Variants in WWTR1 observed in about 807,000 individuals in gnomAD.
The protein encoded by WWTR1 is WW domain containing transcription regulator 1.
In WWTR1, 13 loss-of-function variants were observed where a neutral mutation model predicts 40.1. That is an observed-to-expected ratio of 0.32 (90% CI 0.21 to 0.52). WWTR1 has a LOEUF of 0.52. Ranked by LOEUF, WWTR1 falls within the 20% of genes least tolerant of loss-of-function variation. The probability of loss-of-function intolerance (pLI) is 0.97; values close to 1 mark genes in which losing one functional copy is unlikely to be tolerated. For synonymous variants in WWTR1, 230 were observed against 210.1 expected (o/e 1.09, Z -0.82); for missense variants, 436 against 523.1 (o/e 0.83, Z 1.63).
intron 1 of WWTR1, among the ~76,000 whole-genome samples, chr3:149,691,843 C>T (rs540439410): frequency 7.7e-4 from 117 of 151,984 alleles, no homozygotes; most frequent in Non-Finnish European, 1.4e-3. Flanking sequence ...GGTGAAACCC[C>T]GTCTCTACTA....
chr3:149,680,345 A>G (rs1015885663), intron 1 of WWTR1, among the ~76,000 whole-genome samples: 1 of 152,190 alleles, frequency 6.6e-6, no homozygotes, highest in Admixed American at 6.5e-5. Context: ...GGAGTTCAAG[A>G]CCAGCCTGGC....
At chr3:149,611,430 G>C (rs1739737677) in intron 2 of WWTR1, among the ~76,000 whole-genome samples, 1 of 152,176 alleles carries the variant, frequency 6.6e-6, no homozygotes, top group Non-Finnish European at 1.5e-5. Flanking sequence ...AAGCAACAGA[G>C]ACCATGTGTC....
At chr3:149,548,913 C>A (rs1004111772) in intron 3 of WWTR1, among the ~76,000 whole-genome samples, 1 of 152,180 alleles carries the variant, frequency 6.6e-6, no homozygotes, top group African/African-American at 2.4e-5. Context: ...CCCTCCATGA[C>A]TTTTTCCATC....
At chr3:149,585,249 C>T (rs1007997218) in intron 2 of WWTR1, among the ~76,000 whole-genome samples, 1 of 152,008 alleles carries the variant, frequency 6.6e-6, no homozygotes, top group African/African-American at 2.4e-5. Flanking sequence ...TCTTTTGCCT[C>T]AGTCTCCTGA....
At chr3:149,664,366 G>A (rs908975357) in intron 2 of WWTR1, among the ~76,000 whole-genome samples, 22 of 152,288 alleles carry the variant, frequency 1.4e-4, no homozygotes, top group African/African-American at 4.6e-4. Flanking sequence ...CAAATCAAAC[G>A]TGATACTTGT....
chr3:149,667,407 A>G (rs113379028), intron 2 of WWTR1, among the ~76,000 whole-genome samples: 30,066 of 151,644 alleles, frequency 0.2, 3,233 homozygotes, highest in Admixed American at 0.3. Flanking sequence ...AATTAGCAGG[A>G]CGTGGTGGTG....
intron 6 of WWTR1, among the ~76,000 whole-genome samples, chr3:149,524,224 A>G (rs765923956): frequency 1.3e-5 from 2 of 152,074 alleles, no homozygotes; most frequent in African/African-American, 2.4e-5. Context: ...TCTTTTCAGG[A>G]CGTCATTTAA....
chr3:149,673,077 T>C (rs1461015152), intron 1 of WWTR1, among the ~76,000 whole-genome samples: 1 of 152,160 alleles, frequency 6.6e-6, no homozygotes, highest in Non-Finnish European at 1.5e-5. Context: ...AAAATAAATG[T>C]TTTAAAAGAA....
chr3:149,626,804 G>A (rs1740565179), intron 2 of WWTR1, among the ~76,000 whole-genome samples: 1 of 152,126 alleles, frequency 6.6e-6, no homozygotes, highest in Non-Finnish European at 1.5e-5. Context: ...AAAACAAGGT[G>A]TTGCCCAACC....
At chr3:149,581,459 A>C (rs190834445) in intron 2 of WWTR1, among the ~76,000 whole-genome samples, 2 of 152,326 alleles carry the variant, frequency 1.3e-5, no homozygotes, top group Admixed American at 6.5e-5. Flanking sequence ...TATAGTTGAA[A>C]GTTTCCGGTC....
At chr3:149,705,850 G>A (rs924701019), upstream of WWTR1, among the ~76,000 whole-genome samples, 1 of 152,296 alleles carries the variant, frequency 6.6e-6, no homozygotes, top group Admixed American at 6.5e-5. Context: ...GGAGGAGCTA[G>A]AATTCAAACT....
chr3:149,570,476 T>C (rs1321179896), intron 3 of WWTR1, among the ~76,000 whole-genome samples: 1 of 151,854 alleles, frequency 6.6e-6, no homozygotes, highest in Non-Finnish European at 1.5e-5. Flanking sequence ...AGCTGAGGCA[T>C]GAGAATTGCT....
intron 1 of WWTR1, among the ~76,000 whole-genome samples, chr3:149,697,571 T>G (rs1715036511): frequency 6.6e-6 from 1 of 152,124 alleles, no homozygotes; most frequent in Admixed American, 6.5e-5. Flanking sequence ...ACACCGGAGA[T>G]TACATTACAA....
upstream of WWTR1, chr3:149,660,423 G>A (rs1713519978): frequency 1.3e-5 from 2 of 152,190 alleles, no homozygotes; most frequent in African/African-American, 4.8e-5. Context: ...GAAATAGATA[G>A]TGCAACAGAT....
chr3:149,633,780 G>T (rs1419300489), intron 2 of WWTR1, among the ~76,000 whole-genome samples: 2 of 152,134 alleles, frequency 1.3e-5, no homozygotes, highest in African/African-American at 2.4e-5. Context: ...GTGCTCCAGG[G>T]AAGGGGTACA....
intron 3 of WWTR1, among the ~76,000 whole-genome samples, chr3:149,544,996 A>G (rs894888604): frequency 6.6e-6 from 1 of 152,196 alleles, no homozygotes; most frequent in Non-Finnish European, 1.5e-5. Flanking sequence ...GCACAATCCC[A>G]GGTACACAGG....
intron 2 of WWTR1, among the ~76,000 whole-genome samples, chr3:149,591,283 C>G (rs983097852): frequency 1.3e-5 from 2 of 152,174 alleles, no homozygotes; most frequent in African/African-American, 4.8e-5. Flanking sequence ...TAAGCCAGAG[C>G]TGGGGATGTG....
intron 3 of WWTR1, among the ~76,000 whole-genome samples, chr3:149,569,164 A>C (rs999379873): frequency 2.0e-5 from 3 of 152,204 alleles, no homozygotes; most frequent in Admixed American, 2.0e-4. Context: ...TCCTCACTGA[A>C]GGTAATGAAT....
intron 2 of WWTR1, among the ~76,000 whole-genome samples, chr3:149,616,688 C>T (rs112425501): frequency 0.025 from 3,839 of 152,198 alleles, 183 homozygotes; most frequent in African/African-American, 0.088. Flanking sequence ...GTGATCTGCC[C>T]GCCTCAGCCT....
Sources: gnomAD v4.1 joint callset for allele counts (sites outside exome capture counted in the v4.1 genomes callset) on GRCh38, gnomAD v4.1.1 for gene constraint, MANE v1.5 for transcripts, NCBI Gene and HGNC (gene_info 2026-07-23, HGNC 2026-07-21) for gene names.